Variants in CIP2A observed in about 807,000 individuals in gnomAD.
CIP2A encodes cellular inhibitor of PP2A, also known as protein CIP2A.
Under a neutral mutation model 110.9 loss-of-function variants are expected in CIP2A, and 103 were observed. The ratio of observed to expected loss-of-function variants is 0.93; its 90% confidence interval spans 0.79 to 1.09. CIP2A has a LOEUF of 1.09. Among genes scored for constraint, CIP2A ranks in the 50% least tolerant of loss-of-function variants. The probability of loss-of-function intolerance (pLI) is 0.00; values close to 1 mark genes in which losing one functional copy is unlikely to be tolerated. For missense variants in CIP2A, 1,088 were observed against 1,038.4 expected (o/e 1.05, Z -0.66); for synonymous variants, 381 against 361.6 (o/e 1.05, Z -0.61).
chr3:108,572,849 A>G (rs141867013), intron 8 of CIP2A, among the ~76,000 whole-genome samples: 1 of 152,154 alleles, frequency 6.6e-6, no homozygotes, highest in African/African-American at 2.4e-5. Flanking sequence ...TACTAAGCTG[A>G]ACATCACTGG....
At chr3:108,568,035 T>C in intron 10 of CIP2A, 120 bp downstream of exon 10, 1 of 675,442 alleles carries the variant, frequency 1.5e-6, no homozygotes. Flanking sequence ...TCAGTAATTC[T>C]AGATAAATAT....
Position 108,568,184 on chromosome 3 carries a change from C to T in CIP2A, c.1244G>A (p.Arg415Lys), listed in dbSNP as rs745990599. ...DEALTRKKCE[R>K]IAKAIEVLLT... ...CAAAACTTCAATGGCCTTGGCAATC[C>T]TTTCACATTTTTTTCTTGTTAAAGC... Residue 415 changes from arginine (R) to lysine (K), a missense_variant, in exon 10 of 21, where the codon AGG becomes AAG. Transcript: ENST00000295746. 6.2e-6 allele frequency: 10 copies of T among 1,611,822 alleles called. No homozygotes were observed. Among genetic ancestry groups the T allele is most frequent in the Middle Eastern group, 1.6e-4 (1 of 6,062 alleles).
intron 1 of CIP2A, chr3:108,585,805 C>T (rs934564297): frequency 8.9e-6 from 4 of 449,684 alleles, no homozygotes; most frequent in Middle Eastern, 6.6e-4. Flanking sequence ...TTTTAAGTAG[C>T]CAGGCAAGGC....
At chr3:108,578,520 T>G (rs1938757341) in intron 7 of CIP2A, among the ~76,000 whole-genome samples, 1 of 152,200 alleles carries the variant, frequency 6.6e-6, no homozygotes, top group South Asian at 2.1e-4. Flanking sequence ...ACTTATAGAT[T>G]CTATGTTTCT....
chr3:108,568,401 T>G, intron 9 of CIP2A, 87 bp from the exon 10 acceptor site: 1 of 1,036,326 alleles, frequency 9.6e-7, no homozygotes, highest in Non-Finnish European at 1.4e-6. Flanking sequence ...AACACTCTCT[T>G]TAAATTTTTT....
intron 12 of CIP2A, among the ~76,000 whole-genome samples, chr3:108,564,133 C>A (rs1938100089): frequency 6.6e-6 from 1 of 151,944 alleles, no homozygotes; most frequent in South Asian, 2.1e-4. Flanking sequence ...AATCCAGTGT[C>A]ACAGAACTGT....
intron 1 of CIP2A, among the ~76,000 whole-genome samples, chr3:108,586,802 T>C (rs988854492): frequency 6.6e-6 from 1 of 152,148 alleles, no homozygotes; most frequent in Admixed American, 6.5e-5. Flanking sequence ...TGAAACATCA[T>C]CATTAAAAAT....
At chr3:108,567,508 G>A (rs1393033498) in intron 10 of CIP2A, among the ~76,000 whole-genome samples, 1 of 151,670 alleles carries the variant, frequency 6.6e-6, no homozygotes, top group Non-Finnish European at 1.5e-5. Context: ...TTTTAAAATT[G>A]GGACTTCCAG....
intron 9 of CIP2A, 47 bp downstream of exon 9, chr3:108,569,342 T>G: frequency 1.5e-6 from 2 of 1,356,994 alleles, no homozygotes; most frequent in East Asian, 2.3e-5. Flanking sequence ...AATTGTTAAC[T>G]GAGAGTCACA....
intron 1 of CIP2A, chr3:108,585,871 A>G (rs887745975): frequency 1.6e-5 from 7 of 434,544 alleles, no homozygotes; most frequent in African/African-American, 8.1e-5. Context: ...CTTGTAATCT[A>G]TAAGCCACAT....
intron 5 of CIP2A, among the ~76,000 whole-genome samples, chr3:108,580,788 C>A (rs1938846095): frequency 6.6e-6 from 1 of 152,016 alleles, no homozygotes; most frequent in South Asian, 2.1e-4. Context: ...GCCACCACGC[C>A]TGGCTAATTT....
intron 19 of CIP2A, 102 bp downstream of exon 19, chr3:108,553,546 T>C: frequency 2.9e-6 from 3 of 1,035,122 alleles, no homozygotes; most frequent in Non-Finnish European, 4.1e-6. Context: ...TGATTTAAAG[T>C]TTAAAACAAT....
intron 1 of CIP2A, among the ~76,000 whole-genome samples, chr3:108,586,174 C>A (rs1273492615): frequency 6.6e-6 from 1 of 152,156 alleles, no homozygotes; most frequent in Non-Finnish European, 1.5e-5. Flanking sequence ...TCCCTTTATT[C>A]TCTCACCCAC....
chr3:108,578,358 ACT>A lies in CIP2A; in HGVS notation c.818+921_818+922del, dbSNP rs753653690. 7.2e-5 allele frequency among the ~76,000 whole-genome samples: 11 copies of A among 152,308 alleles called. No homozygotes were observed. In the South Asian group the frequency reaches 1.2e-3, roughly 17 times the overall value. ...AAGAGAAGGCAGGTCATGGGAAGGC[ACT>A]CTGGAAGAAAAAGCTCACCTATCTA... is the stretch of plus-strand genomic sequence containing the variant. On this transcript the variant is annotated intron_variant, in intron 7 of 20. Transcript: ENST00000295746.
chr3:108,589,334 G>A lies in CIP2A; in HGVS notation c.42C>T (p.Val14=), dbSNP rs764883336. 4.3e-6 allele frequency: 7 copies of A among 1,613,924 alleles called. No homozygotes were observed. In the African/African-American group the frequency reaches 5.3e-5, roughly 12 times the overall value. The change falls in exon 1 of 21, where the codon GTC becomes GTT. Residue 14 remains valine, a synonymous_variant. Transcript: ENST00000295746. Reference sequence around the variant, plus strand: ...CTGACTTCACGGCTTTGTACTGACTGACAGTCAGGAGCAAGGACTTCAAGC... The same window carrying A: ...CTGACTTCACGGCTTTGTACTGACTAACAGTCAGGAGCAAGGACTTCAAGC... ...TACLKSLLLT[V]SQYKAVKSEA...
Position 108,559,872 on chromosome 3 carries a change from A to G in CIP2A, c.1903-5T>C. ...TTGTAGCCTGCTTTCTTTGGACTAC[A>G]AGAAAACATATCATTAATTTTCATT... On this transcript the variant is annotated splice_region_variant and splice_polypyrimidine_tract_variant and intron_variant, in intron 15 of 20. Coordinates refer to ENST00000295746, the MANE Select transcript of CIP2A (RefSeq NM_020890.3). 1 of 1,603,472 alleles carries G rather than the reference A, an allele frequency of 6.2e-7. No homozygotes were observed. Among genetic ancestry groups the G allele is most frequent in the Non-Finnish European group, 8.5e-7 (1 of 1,172,346 alleles).
intron 13 of CIP2A, among the ~76,000 whole-genome samples, chr3:108,561,873 T>C (rs1446325427): frequency 6.6e-6 from 1 of 152,054 alleles, no homozygotes; most frequent in Non-Finnish European, 1.5e-5. Flanking sequence ...GTCAAAATGG[T>C]GGGAAGGCCT....
chr3:108,552,644 T>C (rs1937622519), intron 19 of CIP2A, among the ~76,000 whole-genome samples: 1 of 152,132 alleles, frequency 6.6e-6, no homozygotes, highest in Non-Finnish European at 1.5e-5. Context: ...ATTATATAGG[T>C]AGGTGCCTGC....
rs781562492 is a variant in CIP2A, at chr3:108,569,481, T to C, written c.1021A>G (p.Thr341Ala). The C allele has an allele frequency of 1.9e-6, 3 of 1,612,776 alleles. No homozygotes were observed. The East Asian group carries it at 6.7e-5, about 36-fold the overall frequency. The change falls in exon 9 of 21, where the codon ACT becomes GCT. Residue 341 changes from threonine (T) to alanine (A), a missense_variant. By Grantham distance (58) the Thr-to-Ala change is moderately conservative. Transcript: ENST00000295746. The stretch of plus-strand genomic sequence containing the variant: ...CTTAACCAGCGCAGTAGAGCCACAG[T>C]AGGTTCTAAACATTTAGTATGGCTT... ...LGSHTKCLEP[T>A]VALLRWLSQP...
Sources: allele counts gnomAD v4.1 joint callset (sites outside exome capture counted in the v4.1 genomes callset), GRCh38; gene constraint gnomAD v4.1.1; transcripts MANE v1.5; gene names NCBI Gene and HGNC (gene_info 2026-07-23, HGNC 2026-07-21).